Variants in ENOSF1 observed in about 807,000 individuals in gnomAD.
ENOSF1 encodes the protein mitochondrial enolase superfamily member 1.
ENOSF1 carries 73 observed loss-of-function variants against 68.2 expected under a neutral mutation model. The observed-to-expected ratio is 1.07, with a 90% CI of 0.89 to 1.30. The LOEUF (loss-of-function observed/expected upper bound fraction) is 1.30. Ranked by LOEUF, ENOSF1 falls within the 50% of genes most tolerant of loss-of-function variation. ENOSF1 has a pLI of 0.00. For synonymous variants in ENOSF1, 223 were observed against 210.4 expected, an observed-to-expected ratio of 1.06 and a Z score of -0.52; for missense variants, 589 against 554.5, an observed-to-expected ratio of 1.06 and a Z score of -0.62.
At chr18:699,051 T>C (rs566173614) in intron 2 of ENOSF1, among the ~76,000 whole-genome samples, 2 of 152,244 alleles carry the variant, frequency 1.3e-5, no homozygotes, top group East Asian at 3.9e-4. Flanking sequence ...TCTTGCTATG[T>C]TGCATGGGGC....
chr18:690,919 C>G, intron 7 of ENOSF1, 149 bp downstream of exon 7: 9 of 1,176,664 alleles, frequency 7.6e-6, no homozygotes, highest in Non-Finnish European at 1.1e-5. Context: ...ACCCAGCAGG[C>G]TTCACCATGC....
chr18:701,755 T>C (rs2078368514), intron 2 of ENOSF1, among the ~76,000 whole-genome samples: 1 of 56,822 alleles, frequency 1.8e-5, no homozygotes, highest in African/African-American at 8.9e-5. Flanking sequence ...AGACTCCATC[T>C]CAAAAAAAAA....
chr18:676,580 A>ACT (rs2075547132), intron 14 of ENOSF1, among the ~76,000 whole-genome samples: 1 of 152,178 alleles, frequency 6.6e-6, no homozygotes, highest in Non-Finnish European at 1.5e-5. Context: ...AGCCTGCAGA[A>ACT]CTGTAAGCCA....
In ENOSF1 at chr18:706,536, T is replaced by C. The variant is rs536458007; in HGVS notation, c.127A>G (p.Thr43Ala). 1.2e-6 allele frequency: 2 copies of C among 1,613,958 alleles called. No homozygotes were observed. The highest frequency in any genetic ancestry group is 2.2e-5 in the South Asian group (2 of 91,060). ...CCCTTGATTCCATCTTCTGCATCAG[T>C]TTCTATGACGACATAGGCAGCCGAG... Reference protein sequence around the residue: ...DYSAAYVVIETDAEDGIKGCG... With the variant: ...DYSAAYVVIEADAEDGIKGCG... Residue 43 changes from threonine (T) to alanine (A), a missense_variant, in exon 2 of 16, where the codon ACT (threonine) becomes GCT (alanine). Coordinates refer to ENST00000647584, the MANE Select transcript of ENOSF1 (RefSeq NM_017512.7).
chr18:692,803 T>A, intron 5 of ENOSF1: 41 of 1,031,990 alleles, frequency 4.0e-5, no homozygotes, highest in Non-Finnish European at 4.5e-5. Context: ...GAGCTCTGTG[T>A]CCTTCCCCTA....
the ENOSF1 span, among the ~76,000 whole-genome samples, chr18:663,087 C>T: frequency 1.0e-5 from 1 of 99,726 alleles, no homozygotes; most frequent in Non-Finnish European, 1.9e-5. Flanking sequence ...TGAGGAATCG[C>T]CACACTGACT....
intron 10 of ENOSF1, 54 bp downstream of exon 10, chr18:685,867 T>C (rs2076567952): frequency 1.5e-6 from 2 of 1,299,612 alleles, no homozygotes; most frequent in South Asian, 2.4e-5. Flanking sequence ...AAACGAGTTG[T>C]ATTTAGCCCT....
Position 697,306 on chromosome 18 carries a change from G to A in ENOSF1, c.243C>T (p.Leu81=). Residue 81 remains leucine, a synonymous_variant, in exon 3 of 16, where the codon CTC becomes CTT. Coordinates refer to ENST00000647584, the MANE Select transcript of ENOSF1 (RefSeq NM_017512.7). ...ALAHHVLNKD[L]KDIVGDFRGF... The stretch of plus-strand genomic sequence containing the variant: ...CTCTGAAGTCACCAACAATGTCCTT[G>A]AGGTCCTTGTTGAGCACATGGTGGG... 1.9e-6 allele frequency: 3 copies of A among 1,613,964 alleles called. No individual in the cohort carries two copies. Among genetic ancestry groups the A allele is most frequent in the Non-Finnish European group, 2.5e-6 (3 of 1,179,940 alleles).
chr18:704,060 A>G (rs2078659241), intron 2 of ENOSF1, among the ~76,000 whole-genome samples: 1 of 152,148 alleles, frequency 6.6e-6, no homozygotes, highest in African/African-American at 2.4e-5. Context: ...TGCTTTCTGT[A>G]AAACCTGCAG....
chr18:684,852 T>C (rs1031090106), intron 10 of ENOSF1, among the ~76,000 whole-genome samples: 4 of 147,136 alleles, frequency 2.7e-5, no homozygotes, highest in Non-Finnish European at 5.9e-5. Flanking sequence ...GAGGACAGTA[T>C]GCTCAGAATG....
In ENOSF1 at chr18:677,387, A is replaced by C. The variant is rs1283144904; in HGVS notation, c.1106T>G (p.Ile369Ser). The C allele has an allele frequency of 1.2e-6, 2 of 1,613,852 alleles. No homozygotes were observed. Among genetic ancestry groups the C allele is most frequent in the Non-Finnish European group, 1.7e-6 (2 of 1,179,966 alleles). Residue 369 changes from isoleucine (I) to serine (S), a missense_variant, in exon 14 of 16, where the codon ATT becomes AGT. Coordinates refer to ENST00000647584, the MANE Select transcript of ENOSF1 (RefSeq NM_017512.7). The part of the protein sequence containing the change: ...VGLCELVQHL[I>S]IFDYISVSAS... ...AGAAACTGATATGTAGTCAAATATA[A>C]TCAGGTGCTGCACCAGTTCACAGAG...
intron 8 of ENOSF1, among the ~76,000 whole-genome samples, chr18:690,226 A>C (rs977064644): frequency 2.0e-5 from 3 of 152,146 alleles, no homozygotes; most frequent in Admixed American, 2.0e-4. Flanking sequence ...GGGAACCTCT[A>C]ATCTGAGGCA....
chr18:697,666 G>A (rs961729791), intron 2 of ENOSF1, among the ~76,000 whole-genome samples: 3 of 152,156 alleles, frequency 2.0e-5, no homozygotes, highest in African/African-American at 4.8e-5. Flanking sequence ...CAGGAGAATC[G>A]CTTGAACCCA....
chr18:680,590 A>C (rs565997096), intron 11 of ENOSF1, among the ~76,000 whole-genome samples: 2 of 141,700 alleles, frequency 1.4e-5, no homozygotes, highest in Non-Finnish European at 1.5e-5. Flanking sequence ...CCCATTCCTC[A>C]CCTCCCACAC....
At chr18:669,598 C>T (rs1233148676), downstream of ENOSF1, 1 of 162,042 alleles carries the variant, frequency 6.2e-6, no homozygotes, top group East Asian at 1.7e-4. Flanking sequence ...TCTTGAACTC[C>T]TGACCTCAGA....
downstream of ENOSF1, among the ~76,000 whole-genome samples, chr18:667,167 T>A (rs371964398): frequency 7.9e-4 from 50 of 63,262 alleles, no homozygotes; most frequent in South Asian, 1.8e-3. Flanking sequence ...ATGGAGATGG[T>A]GATGGTGATG....
chr18:674,178 G>C lies in ENOSF1; in HGVS notation c.*127C>G, dbSNP rs2075231121. 1 of 653,524 alleles carries C rather than the reference G, an allele frequency of 1.5e-6. No homozygotes were observed. The highest frequency in any genetic ancestry group is 2.7e-6 in the Non-Finnish European group (1 of 371,228). The allele number at this position is 653,524 out of a possible 1,614,324, so 40.5% of individuals were successfully genotyped here. On this transcript the variant is annotated 3_prime_UTR_variant, in exon 16 of 16. Transcript: ENST00000647584. ...ATAATTACTTAGCTGATTCCTGAGG[G>C]TGGTATGACTTCTAGCTGAACTCAT...
intron 11 of ENOSF1, among the ~76,000 whole-genome samples, chr18:680,582 C>G (rs1477250329): frequency 2.0e-5 from 3 of 152,054 alleles, no homozygotes; most frequent in Non-Finnish European, 4.4e-5. Context: ...TCTCCCTGCC[C>G]ATTCCTCACC....
At chr18:689,149 G>A (rs993850398) in intron 8 of ENOSF1, among the ~76,000 whole-genome samples, 3 of 152,178 alleles carry the variant, frequency 2.0e-5, no homozygotes, top group Admixed American at 6.5e-5. Context: ...GTGCTGCCCA[G>A]GAATCTTACC....
Sources: gnomAD v4.1 joint callset for allele counts (sites outside exome capture counted in the v4.1 genomes callset) on GRCh38, gnomAD v4.1.1 for gene constraint, MANE v1.5 for transcripts, NCBI Gene and HGNC (gene_info 2026-07-23, HGNC 2026-07-21) for gene names.